Variants in ANKRD2 observed in about 807,000 individuals in gnomAD.
The protein encoded by ANKRD2 is ankyrin repeat domain 2.
In ANKRD2, 35 loss-of-function variants were observed where a neutral mutation model predicts 37.3. The observed-to-expected ratio is 0.94, with a 90% CI of 0.72 to 1.24. The LOEUF (loss-of-function observed/expected upper bound fraction) is 1.24, where lower values mean the gene tolerates loss of function less well. Among genes scored for constraint, ANKRD2 ranks in the 50% most tolerant of loss-of-function variants. The pLI is 0.00. For synonymous variants in ANKRD2, 159 were observed against 186.5 expected, an observed-to-expected ratio of 0.85 and a Z score of 1.20; for missense variants, 410 against 445.6, an observed-to-expected ratio of 0.92 and a Z score of 0.72.
intron 6 of ANKRD2, 68 bp from the exon 7 acceptor site, chr10:97,582,247 C>G: frequency 1.5e-6 from 2 of 1,369,616 alleles, no homozygotes; most frequent in Non-Finnish European, 2.0e-6. Flanking sequence ...TTAGGACAGC[C>G]CCCGCCTTCC....
At chr10:97,579,999 G>C (rs149289680) in intron 4 of ANKRD2, among the ~76,000 whole-genome samples, 1 of 152,016 alleles carries the variant, frequency 6.6e-6, no homozygotes, top group African/African-American at 2.4e-5. Flanking sequence ...TCTTGCTCTC[G>C]TATCCTGGAA....
chr10:97,581,019 C>A, intron 5 of ANKRD2, 66 bp downstream of exon 5: 1 of 1,414,344 alleles, frequency 7.1e-7, no homozygotes, highest in South Asian at 1.3e-5. Flanking sequence ...GACACCCTCT[C>A]CCTGCCACCT....
intron 2 of ANKRD2, 49 bp from the exon 3 acceptor site, chr10:97,578,191 C>T (rs1437511832): frequency 6.3e-7 from 1 of 1,588,922 alleles, no homozygotes; most frequent in Non-Finnish European, 8.6e-7. Context: ...CTCCCAAGCC[C>T]CCCAAACTCT....
At chr10:97,575,330 A>G (rs1439476374) in intron 1 of ANKRD2, among the ~76,000 whole-genome samples, 1 of 152,178 alleles carries the variant, frequency 6.6e-6, no homozygotes, top group African/African-American at 2.4e-5. Flanking sequence ...CTGGAGTTCC[A>G]CTGTGGCGAG....
intron 1 of ANKRD2, among the ~76,000 whole-genome samples, chr10:97,574,569 T>C (rs917641797): frequency 2.0e-5 from 3 of 152,162 alleles, no homozygotes; most frequent in Admixed American, 6.5e-5. Flanking sequence ...TCTGACCTAT[T>C]TTAGGAAAGC....
At chr10:97,578,144 G>GGGCCCCCCCC in intron 2 of ANKRD2, 96 bp from the exon 3 acceptor site, 71 of 685,134 alleles carry the variant, frequency 1.0e-4, no homozygotes, top group East Asian at 3.3e-4. Context: ...GGGTCTTCCT[G>GGGCCCCCCCC]CCCACCCCAC....
In ANKRD2 at chr10:97,582,373, ACT is replaced by A. The variant is rs2040909405; in HGVS notation, c.714_715del (p.Phe239SerfsTer20). On this transcript the variant is annotated frameshift_variant, in exon 7 of 9. Coordinates refer to ENST00000370655, the MANE Select transcript of ANKRD2 (RefSeq NM_001346793.2). LOFTEE classifies it high-confidence loss of function. ...ACAGGGCAGGTGGAGATTGTGGAGCACTTTCTATCCCTGGGCCTGGAAATCAA... is the reference window on the plus strand; with the variant it reads ...ACAGGGCAGGTGGAGATTGTGGAGCATTCTATCCCTGGGCCTGGAAATCAA... The A allele has an allele frequency of 6.4e-7, 1 of 1,562,562 alleles. No homozygotes were observed. The highest frequency in any genetic ancestry group is 1.4e-5 in the African/African-American group (1 of 73,584).
Position 97,582,388 on chromosome 10 carries a change from G to A in ANKRD2, c.728G>A (p.Gly243Asp), listed in dbSNP as rs1257845897. ...VEIVEHFLSLGLEINARDREG... is the reference protein window; with the variant it reads ...VEIVEHFLSLDLEINARDREG... Reference sequence around the variant, plus strand: ...ATTGTGGAGCACTTTCTATCCCTGGGCCTGGAAATCAATGCCAGAGACAGG... The same window carrying A: ...ATTGTGGAGCACTTTCTATCCCTGGACCTGGAAATCAATGCCAGAGACAGG... The change falls in exon 7 of 9, where the codon GGC becomes GAC. Residue 243 changes from glycine to aspartate, a missense_variant. Physicochemically the swap from Gly to Asp is moderately conservative, Grantham distance 94. Coordinates refer to ENST00000370655, the MANE Select transcript of ANKRD2 (RefSeq NM_001346793.2). 1 of 1,563,736 alleles carries A rather than the reference G, an allele frequency of 6.4e-7. No homozygotes were observed. Among genetic ancestry groups the A allele is most frequent in the Non-Finnish European group, 8.7e-7 (1 of 1,153,618 alleles).
In ANKRD2 at chr10:97,578,368, G is replaced by A. The variant is rs141942177; in HGVS notation, c.318G>A (p.Ser106=). The A allele has an allele frequency of 1.9e-6, 3 of 1,613,642 alleles. No individual in the cohort carries two copies. The highest frequency in any genetic ancestry group is 2.7e-5 in the African/African-American group (2 of 74,886). Residue 106 remains serine, a synonymous_variant, in exon 3 of 9, where the codon TCG becomes TCA. Transcript: ENST00000370655. The part of the protein sequence containing the change: ...KQKKRDALAA[S]HEPPPEPEEI... ...AGAAGCGGGACGCTCTGGCCGCCTC[G>A]CATGAGCCGCCCCCAGAGCCCGAGG...
At chr10:97,573,678 TG>T (rs571804176) in intron 1 of ANKRD2, among the ~76,000 whole-genome samples, 71 of 152,192 alleles carry the variant, frequency 4.7e-4, no homozygotes, top group African/African-American at 1.7e-3. Flanking sequence ...CCACCCACCT[TG>T]GCCTCCCAAA....
rs1163682365 is a variant in ANKRD2, at chr10:97,577,868, C to CG, written c.160dup (p.Ala54GlyfsTer55). On this transcript the variant is annotated frameshift_variant, in exon 2 of 9. Transcript: ENST00000370655. LOFTEE classifies it high-confidence loss of function. ...TGGTGCTGGAGGATGAGAAGCACCA[C>CG]GGGGCTCAGAGTGCAGCCCTGCAGA... The CG allele has an allele frequency of 3.8e-6, 6 of 1,571,654 alleles. No individual in the cohort carries two copies. In the South Asian group the frequency reaches 7.0e-5, roughly 18 times the overall value.
In ANKRD2 at chr10:97,578,336, A is replaced by T. The variant is rs757771339; in HGVS notation, c.286A>T (p.Lys96Ter). 1.5e-5 allele frequency: 24 copies of T among 1,613,390 alleles called. No homozygotes were observed. In the Admixed American group the frequency reaches 3.5e-4, roughly 24 times the overall value. ...QNLIELRKKR[K>*]QKKRDALAAS... is the part of the protein sequence containing the mutation. ...CCTCATCGAGCTGCGGAAGAAACGCAAGCAGAAGAAGCGGGACGCTCTGGC... is the reference window on the plus strand; with the variant it reads ...CCTCATCGAGCTGCGGAAGAAACGCTAGCAGAAGAAGCGGGACGCTCTGGC... The change falls in exon 3 of 9, where the codon AAG (lysine) becomes TAG (stop). Residue 96 changes from lysine to a stop codon, truncating the protein, a stop_gained. Coordinates refer to ENST00000370655, the MANE Select transcript of ANKRD2 (RefSeq NM_001346793.2). LOFTEE classifies it high-confidence loss of function.
chr10:97,575,921 A>T (rs1304487410), intron 1 of ANKRD2, among the ~76,000 whole-genome samples: 3 of 151,996 alleles, frequency 2.0e-5, no homozygotes, highest in Admixed American at 6.6e-5. Context: ...AAAAAAAAAA[A>T]AAAAATACAC....
intron 5 of ANKRD2, 140 bp from the exon 6 acceptor site, chr10:97,581,173 TCCA>T (rs1198227905): frequency 1.5e-5 from 13 of 852,846 alleles, no homozygotes; most frequent in Non-Finnish European, 2.2e-5. Context: ...GTTCTTCTGT[TCCA>T]CTTGGTCCAT....
Position 97,580,861 on chromosome 10 carries a change from C to T in ANKRD2, c.463C>T (p.Arg155Trp), listed in dbSNP as rs761513950. Residue 155 changes from arginine to tryptophan, a missense_variant, in exon 5 of 9, where the codon CGG becomes TGG. By Grantham distance (101) the Arg-to-Trp change is moderately radical. Transcript: ENST00000370655. ...GSADTCDQFRRTALHRASLEG... is the reference protein window; with the variant it reads ...GSADTCDQFRWTALHRASLEG... ...ACAGCCTCTCTGGGGACAGTTCCGT[C>T]GGACAGCACTGCACCGAGCTTCCCT... is the stretch of plus-strand genomic sequence containing the variant. 2.4e-5 allele frequency: 39 copies of T among 1,610,096 alleles called. No homozygotes were observed. Among genetic ancestry groups the T allele is most frequent in the Admixed American group, 8.4e-5 (5 of 59,546 alleles).
At chr10:97,578,165 AGCTTAGCTCAGAGGTCTCC>A in intron 2 of ANKRD2, 56 bp from the exon 3 acceptor site, 1 of 261,862 alleles carries the variant, frequency 3.8e-6, no homozygotes, top group Non-Finnish European at 7.3e-6. Flanking sequence ...CCTCCCCACC[AGCTTAGCTCAGAGGTCTCC>A]CAAGCCCCCC....
At chr10:97,576,745 G>A (rs925138958) in intron 1 of ANKRD2, among the ~76,000 whole-genome samples, 1 of 150,786 alleles carries the variant, frequency 6.6e-6, no homozygotes, top group Non-Finnish European at 1.5e-5. Flanking sequence ...CGCCCAAGCT[G>A]GAGTATAGTG....
At chr10:97,576,555 A>G (rs565203245) in intron 1 of ANKRD2, among the ~76,000 whole-genome samples, 24 of 152,276 alleles carry the variant, frequency 1.6e-4, no homozygotes, top group Admixed American at 7.2e-4. Flanking sequence ...AAAAAAAAAT[A>G]GTATCTAACA....
At chr10:97,578,931 T>A (rs2040863265) in intron 4 of ANKRD2, among the ~76,000 whole-genome samples, 1 of 152,222 alleles carries the variant, frequency 6.6e-6, no homozygotes, top group African/African-American at 2.4e-5. Flanking sequence ...TCACGAGTTG[T>A]GGGACCTGTG....
Sources: gnomAD v4.1 joint callset for allele counts (sites outside exome capture counted in the v4.1 genomes callset) on GRCh38, gnomAD v4.1.1 for gene constraint, MANE v1.5 for transcripts, NCBI Gene and HGNC (gene_info 2026-07-23, HGNC 2026-07-21) for gene names.